SYNE1: variants seen among roughly 807,000 people sequenced by gnomAD.
The protein encoded by SYNE1 is nesprin-1.
SYNE1 carries 616 observed loss-of-function variants against 1,111.0 expected under a neutral mutation model. That is an observed-to-expected ratio of 0.55 (90% CI 0.52 to 0.59). The LOEUF (loss-of-function observed/expected upper bound fraction) is 0.59. SYNE1 is among the 20% of genes least tolerant of loss of function. SYNE1 has a pLI of 0.00. For synonymous variants in SYNE1, 3,855 were observed against 3,825.8 expected (o/e 1.01, Z -0.28); for missense variants, 10,006 against 10,417.0 (o/e 0.96, Z 1.72).
At chr6:152,481,867 C>T (rs1330241457) in intron 14 of SYNE1, among the ~76,000 whole-genome samples, 2 of 150,262 alleles carry the variant, frequency 1.3e-5, no homozygotes, top group Admixed American at 6.7e-5. Context: ...ATAAGCAGGC[C>T]CCGCTTTTAT....
At chr6:152,461,034 G>A (rs746968702) in intron 21 of SYNE1, among the ~76,000 whole-genome samples, 2 of 151,790 alleles carry the variant, frequency 1.3e-5, no homozygotes, top group East Asian at 1.9e-4. Flanking sequence ...GGCTGGTCTC[G>A]AACTCCTGAC....
intron 11 of SYNE1, among the ~76,000 whole-genome samples, chr6:152,490,346 C>T (rs902975781): frequency 6.6e-6 from 1 of 152,080 alleles, no homozygotes; most frequent in Admixed American, 6.6e-5. Flanking sequence ...CCTTGTCAGG[C>T]CTCTGAGCCC....
At chr6:152,143,812 T>C (rs374330026) in intron 137 of SYNE1, 47 bp from the exon 138 acceptor site, 56 of 1,613,306 alleles carry the variant, frequency 3.5e-5, no homozygotes, top group Non-Finnish European at 4.6e-5. Context: ...CTATTTGACT[T>C]ATTTAAAGCT....
Position 152,331,020 on chromosome 6 carries a change from T to C in SYNE1, c.13665A>G (p.Gln4555=), listed in dbSNP as rs2096235701. 6.2e-7 allele frequency: 1 copy of C among 1,614,204 alleles called. No individual in the cohort carries two copies. The highest frequency in any genetic ancestry group is 8.5e-7 in the Non-Finnish European group (1 of 1,180,042). The change falls in exon 78 of 146, where the codon CAA becomes CAG. Residue 4555 remains glutamine (Q), a synonymous_variant. Coordinates refer to ENST00000367255, the MANE Select transcript of SYNE1 (RefSeq NM_182961.4). ...SVLQKCSHRL[Q]ELEKNLVSRK... is the part of the protein sequence containing the mutation. ...TAGAAACCAAATTCTTCTCTAGTTC[T>C]TGTAACCGGTGACTGCACTTTTGTA...
chr6:152,310,135 T>A, intron 89 of SYNE1, 118 bp from the exon 90 acceptor site: 1 of 1,140,392 alleles, frequency 8.8e-7, no homozygotes, highest in Non-Finnish European at 1.2e-6. Flanking sequence ...AAAAAAAAAA[T>A]GTTTAAAACA....
chr6:152,351,875 A>G, intron 70 of SYNE1, 152 bp downstream of exon 70: 6 of 701,232 alleles, frequency 8.6e-6, no homozygotes, highest in Admixed American at 6.8e-5. Context: ...ATAAATCTCC[A>G]TAGGTCATGG....
In SYNE1 at chr6:152,325,254, C is replaced by T. The variant is rs374861508; in HGVS notation, c.15487G>A (p.Glu5163Lys). The change falls in exon 81 of 146, where the codon GAG (glutamate) becomes AAG (lysine). Residue 5163 changes from glutamate to lysine, a missense_variant. This residue lies in a region of SYNE1 where 4,955 missense variants were observed against 5,017.2 expected (regional missense o/e 0.99). Coordinates refer to ENST00000367255, the MANE Select transcript of SYNE1 (RefSeq NM_182961.4). ...TTCTCCAGTTGTGAAGCTTTTTCCT[C>T]AAGGGCCACAATTTTCTCATGGAAA... ...NSFHEKIVAL[E>K]EKASQLEKTG... 8 of 1,614,158 alleles carry T rather than the reference C, an allele frequency of 5.0e-6. No individual in the cohort carries two copies. Among genetic ancestry groups the T allele is most frequent in the Non-Finnish European group, 6.8e-6 (8 of 1,180,036 alleles).
chr6:152,507,931 G>A (rs763546513), intron 8 of SYNE1, among the ~76,000 whole-genome samples: 6 of 151,978 alleles, frequency 3.9e-5, no homozygotes, highest in Non-Finnish European at 5.9e-5. Flanking sequence ...AACTTTATAC[G>A]AAAACAGTGG....
At chr6:152,425,572 T>A in intron 38 of SYNE1, 25 bp from the exon 39 acceptor site, 2 of 1,613,954 alleles carry the variant, frequency 1.2e-6, no homozygotes, top group South Asian at 2.2e-5. Context: ...ACATTACGGA[T>A]CTCATCCTAA....
At position 152,416,976 on chromosome 6, in the gene SYNE1, G is replaced by A; in HGVS notation, c.5461C>T (p.Gln1821Ter). ...AEVESKKGELQSLQGHLAKLG... is the reference protein window; with the variant it reads ...AEVESKKGEL ...TTTGCTAAGTGACCCTGCAGACTCT[G>A]CAATTCGCCCTTTTTGCTCTCTACT... The change falls in exon 41 of 146, where the codon CAG (glutamine) becomes TAG (stop). Residue 1821 changes from glutamine (Q) to a stop codon, truncating the protein, a stop_gained. Coordinates refer to ENST00000367255, the MANE Select transcript of SYNE1 (RefSeq NM_182961.4). LOFTEE classifies it high-confidence loss of function. 1 of 1,614,194 alleles carries A rather than the reference G, an allele frequency of 6.2e-7. No homozygotes were observed. The highest frequency in any genetic ancestry group is 8.5e-7 in the Non-Finnish European group (1 of 1,180,040).
In SYNE1 at chr6:152,465,985, A is replaced by G. The variant is rs764981230; in HGVS notation, c.1726T>C (p.Ser576Pro). The G allele has an allele frequency of 6.2e-7, 1 of 1,609,868 alleles. No homozygotes were observed. The highest frequency in any genetic ancestry group is 1.1e-5 in the South Asian group (1 of 91,010). The change falls in exon 17 of 146, where the codon TCA becomes CCA. Residue 576 changes from serine to proline, a missense_variant. Physicochemically the swap from Ser to Pro is moderately conservative, Grantham distance 74. Transcript: ENST00000367255. ...CAAATTCTGTAGTATGTTTTACCTG[A>G]ACCATCTGCTTTGACATACATCTCA... ...TAEMYVKADG[S>P]VEEAENVMKF...
rs367941337 is a variant in SYNE1, at chr6:152,564,523, C to T, written c.68-24502G>A. The stretch of plus-strand genomic sequence containing the variant: ...GTAGAGACGGGGTTTTGCCATGTTG[C>T]CTAGGCTGGTCTTGAGCTCCTGAAC... On this transcript the variant is annotated intron_variant, in intron 3 of 145. Transcript: ENST00000367255. Among the ~76,000 whole-genome samples, 93 of 152,152 alleles carry T rather than the reference C, an allele frequency of 6.1e-4. 1 individual carries two copies. The South Asian group carries it at 0.014, about 22-fold the overall frequency.
chr6:152,147,089 C>T (rs1381707795), intron 137 of SYNE1: 1 of 152,372 alleles, frequency 6.6e-6, no homozygotes, highest in Non-Finnish European at 1.5e-5. Flanking sequence ...CTCTTGTGGT[C>T]CTCAGGGCCT....
intron 42 of SYNE1, 84 bp from the exon 43 acceptor site, chr6:152,409,793 C>A (rs879441741): frequency 0.019 from 27,604 of 1,440,670 alleles, 340 homozygotes; most frequent in Middle Eastern, 0.03. Context: ...TGATGTTTCA[C>A]TACGTAAAGG....
intron 50 of SYNE1, 99 bp from the exon 51 acceptor site, chr6:152,395,770 G>C: frequency 7.8e-7 from 1 of 1,288,886 alleles, no homozygotes; most frequent in Admixed American, 1.7e-5. Flanking sequence ...TGGCAATTAA[G>C]ACCTCATGAA....
chr6:152,484,038 CAA>C (rs773019397), intron 13 of SYNE1, among the ~76,000 whole-genome samples: 37 of 53,492 alleles, frequency 6.9e-4, no homozygotes, highest in African/African-American at 1.2e-3. Flanking sequence ...CTCATCTCTA[CAA>C]AAAAAAAAAA....
chr6:152,179,962 C>T (rs1024874440), intron 129 of SYNE1, among the ~76,000 whole-genome samples, 174 bp downstream of exon 129: 10 of 151,886 alleles, frequency 6.6e-5, no homozygotes, highest in South Asian at 2.1e-4. Context: ...GGATTACAGG[C>T]GTGAGCCACT....
intron 113 of SYNE1, 130 bp downstream of exon 113, chr6:152,231,986 G>T: frequency 1.5e-6 from 1 of 659,356 alleles, no homozygotes; most frequent in Non-Finnish European, 2.6e-6. Context: ...TCTTGCTATT[G>T]AATTCCTATC....
At position 152,288,965 on chromosome 6, in the gene SYNE1, CA is replaced by C. The variant is rs1351268533; in HGVS notation, c.18012+4622del. 2.6e-5 allele frequency among the ~76,000 whole-genome samples: 4 copies of C among 152,260 alleles called. No individual in the cohort carries two copies. The East Asian group carries it at 5.8e-4, about 22-fold the overall frequency. The stretch of plus-strand genomic sequence containing the variant: ...AACTTCAAGATCTAGCAGCCAGGCT[CA>C]GGGGGGGCGTGAGATTTTCTTTTGG... On this transcript the variant is annotated intron_variant, in intron 95 of 145. Coordinates refer to ENST00000367255, the MANE Select transcript of SYNE1 (RefSeq NM_182961.4).
Sources: allele counts gnomAD v4.1 joint callset (sites outside exome capture counted in the v4.1 genomes callset), GRCh38; gene constraint gnomAD v4.1.1; regional missense constraint gnomAD v4.1.1; transcripts MANE v1.5; gene names NCBI Gene and HGNC (gene_info 2026-07-23, HGNC 2026-07-21).